Variants in WDR11 observed in about 807,000 individuals in gnomAD.
WDR11 encodes the protein WD repeat-containing protein 11.
A neutral mutation model predicts 151.2 loss-of-function variants in WDR11; 83 were observed. The ratio of observed to expected loss-of-function variants is 0.55; its 90% confidence interval spans 0.46 to 0.66. The LOEUF (loss-of-function observed/expected upper bound fraction) is 0.66, where lower values mean the gene tolerates loss of function less well. Ranked by LOEUF, WDR11 falls within the 30% of genes least tolerant of loss-of-function variation. WDR11 has a pLI of 0.00. For synonymous variants in WDR11, 484 were observed against 533.1 expected (o/e 0.91, Z 1.27); for missense variants, 1,301 against 1,480.9 (o/e 0.88, Z 1.99).
chr10:120,865,531 T>C, intron 6 of WDR11, 99 bp from the exon 7 acceptor site: 1 of 811,936 alleles, frequency 1.2e-6, no homozygotes, highest in Non-Finnish European at 2.0e-6. Flanking sequence ...CTATTTTTTT[T>C]TCTTTTGCCC....
chr10:120,889,852 C>A, intron 17 of WDR11, 43 bp from the exon 18 acceptor site: 1 of 1,342,462 alleles, frequency 7.4e-7, no homozygotes, highest in Non-Finnish European at 1.1e-6. Context: ...GTGACCAGAT[C>A]TCACTCTACA....
intron 9 of WDR11, among the ~76,000 whole-genome samples, chr10:120,870,621 T>A (rs567144189): frequency 1.3e-5 from 2 of 152,206 alleles, no homozygotes; most frequent in African/African-American, 4.8e-5. Context: ...TATATTTGTA[T>A]TTGTTTTATA....
chr10:120,886,335 A>T (rs1054314868), intron 15 of WDR11, among the ~76,000 whole-genome samples: 11 of 152,082 alleles, frequency 7.2e-5, no homozygotes, highest in African/African-American at 2.4e-4. Context: ...TATCATCCCC[A>T]TCCATACCAA....
At chr10:120,863,005 T>C in intron 5 of WDR11, 84 bp downstream of exon 5, 1 of 901,366 alleles carries the variant, frequency 1.1e-6, no homozygotes, top group Non-Finnish European at 1.8e-6. Context: ...GACTGATGTT[T>C]TTCTTCATCT....
chr10:120,884,987 T>C (rs992735447), intron 14 of WDR11: 16 of 152,354 alleles, frequency 1.1e-4, no homozygotes, highest in African/African-American at 3.8e-4. Context: ...GCATTGCTGG[T>C]AGGAATGTAG....
intron 2 of WDR11, among the ~76,000 whole-genome samples, chr10:120,855,898 G>T (rs1845929269): frequency 6.6e-6 from 1 of 152,182 alleles, no homozygotes; most frequent in African/African-American, 2.4e-5. Context: ...ATGAATGGGA[G>T]AGTAGTGAGA....
chr10:120,865,584 AT>A (rs757800831), intron 6 of WDR11, 45 bp from the exon 7 acceptor site: 59 of 1,286,114 alleles, frequency 4.6e-5, no homozygotes, highest in Non-Finnish European at 5.3e-5. Context: ...TATATACTTT[AT>A]TAATCTATTG....
chr10:120,862,920 A>G lies in WDR11; in HGVS notation c.712A>G (p.Ser238Gly), dbSNP rs1846190671. The change falls in exon 5 of 29, where the codon AGT becomes GGT. Residue 238 changes from serine to glycine, a missense_variant and splice_region_variant. Around this residue, in one of 3 missense-constraint regions of WDR11, gnomAD observed 692 missense variants for 762.5 expected, o/e 0.91. Coordinates refer to ENST00000263461, the MANE Select transcript of WDR11 (RefSeq NM_018117.12). ...VKILITQEKP[S>G]AEFITLNDCL... The stretch of plus-strand genomic sequence containing the variant: ...AATTTTAATCACTCAAGAGAAACCT[A>G]GGTAAGTTACAAGTGTAAAATTAAC... 6.3e-7 allele frequency: 1 copy of G among 1,599,474 alleles called. No individual in the cohort carries two copies. The highest frequency in any genetic ancestry group is 1.3e-5 in the African/African-American group (1 of 74,606).
intron 19 of WDR11, among the ~76,000 whole-genome samples, chr10:120,897,304 G>A (rs1449420335): frequency 3.9e-5 from 6 of 152,142 alleles, no homozygotes; most frequent in South Asian, 4.1e-4. Flanking sequence ...TTGCAGCCCC[G>A]ATACAATAAT....
At chr10:120,855,318 C>G (rs1375049226) in intron 2 of WDR11, among the ~76,000 whole-genome samples, 2 of 152,148 alleles carry the variant, frequency 1.3e-5, no homozygotes, top group Non-Finnish European at 2.9e-5. Context: ...CAGGATGGAA[C>G]AGGACAGTGG....
intron 27 of WDR11, chr10:120,906,363 A>G (rs531599800): frequency 3.2e-6 from 4 of 1,253,372 alleles, no homozygotes; most frequent in African/African-American, 3.0e-5. Flanking sequence ...GACAGAAGGC[A>G]TGGTGAGGTG....
chr10:120,869,601 G>A (rs971651951), intron 9 of WDR11, among the ~76,000 whole-genome samples: 4 of 152,054 alleles, frequency 2.6e-5, no homozygotes, highest in African/African-American at 4.8e-5. Context: ...AAATAAAGAG[G>A]CTGATTTATA....
At chr10:120,887,867 T>G (rs537193670) in intron 16 of WDR11, among the ~76,000 whole-genome samples, 20 of 152,350 alleles carry the variant, frequency 1.3e-4, no homozygotes, top group African/African-American at 4.6e-4. Flanking sequence ...ACATTCTATT[T>G]TATGGCTAGG....
At chr10:120,907,154 T>C (rs1848084877) in intron 28 of WDR11, 3 of 377,754 alleles carry the variant, frequency 7.9e-6, no homozygotes, top group Non-Finnish European at 1.0e-5. Context: ...AAGGAATGAT[T>C]TGGGAAACAG....
Position 120,908,602 on chromosome 10 carries a change from G to A in WDR11, c.3564G>A (p.Lys1188=). 1 of 1,614,208 alleles carries A rather than the reference G, an allele frequency of 6.2e-7. No homozygotes were observed. The highest frequency in any genetic ancestry group is 8.5e-7 in the Non-Finnish European group (1 of 1,180,038). The change falls in exon 29 of 29, where the codon AAG becomes AAA. Residue 1188 remains lysine (K), a synonymous_variant. Transcript: ENST00000263461. The part of the protein sequence containing the change: ...AIYADYARSL[K]NLGFKQGAVL... The stretch of plus-strand genomic sequence containing the variant: ...ATGCAGATTATGCCCGGAGTTTGAA[G>A]AACCTCGGTTTTAAGCAGGGAGCAG...
Position 120,906,200 on chromosome 10 carries a change from T to G in WDR11, c.3437+179T>G. 5 of 1,498,062 alleles carry G rather than the reference T, an allele frequency of 3.3e-6. No homozygotes were observed. The South Asian group carries it at 6.4e-5, about 19-fold the overall frequency. The allele number at this position is 1,498,062 out of a possible 1,614,324, so 92.8% of individuals were successfully genotyped here. On this transcript the variant is annotated intron_variant, in intron 27 of 28. Coordinates refer to ENST00000263461, the MANE Select transcript of WDR11 (RefSeq NM_018117.12). The stretch of plus-strand genomic sequence containing the variant: ...CTGTCCGTATTCATTACATCTTCAT[T>G]CGGTCTAGGAGCTATGCTAGTTTCC...
intron 28 of WDR11, 84 bp from the exon 29 acceptor site, chr10:120,908,472 C>T (rs558649353): frequency 1.2e-5 from 18 of 1,455,922 alleles, no homozygotes; most frequent in South Asian, 4.6e-5. Context: ...AGAGCAGACG[C>T]GACTCACCCT....
intron 4 of WDR11, among the ~76,000 whole-genome samples, chr10:120,861,304 G>A (rs758478829): frequency 2.0e-5 from 3 of 152,210 alleles, no homozygotes; most frequent in Non-Finnish European, 2.9e-5. Context: ...CATGGGAAAT[G>A]TGGCTGTGTA....
chr10:120,891,407 A>G (rs961320187), intron 19 of WDR11, among the ~76,000 whole-genome samples: 4 of 152,154 alleles, frequency 2.6e-5, no homozygotes, highest in Admixed American at 2.6e-4. Flanking sequence ...TTGTTTTGAC[A>G]TTGCTTTTTA....
Sources: gnomAD v4.1 joint callset for allele counts (sites outside exome capture counted in the v4.1 genomes callset) on GRCh38, gnomAD v4.1.1 for gene constraint, gnomAD v4.1.1 regional missense constraint, MANE v1.5 for transcripts, NCBI Gene and HGNC (gene_info 2026-07-23, HGNC 2026-07-21) for gene names.